Variants in PLEKHD1 observed in about 807,000 individuals in gnomAD.
PLEKHD1 encodes pleckstrin homology and coiled-coil domain containing D1.
Under a neutral mutation model 69.2 loss-of-function variants are expected in PLEKHD1, and 51 were observed. The ratio of observed to expected loss-of-function variants is 0.74; its 90% CI spans 0.59 to 0.93. The LOEUF (loss-of-function observed/expected upper bound fraction) is 0.93, where lower values mean the gene tolerates loss of function less well. PLEKHD1 is among the 40% of genes least tolerant of loss of function. PLEKHD1 has a pLI of 0.00. For missense variants in PLEKHD1, 584 were observed against 641.0 expected, an observed-to-expected ratio of 0.91 and a Z score of 0.96; for synonymous variants, 236 against 244.7, an observed-to-expected ratio of 0.96 and a Z score of 0.33.
At chr14:69,528,066 C>A (rs937107342) in intron 12 of PLEKHD1, 134 bp downstream of exon 12, 20 of 1,462,830 alleles carry the variant, frequency 1.4e-5, no homozygotes, top group Middle Eastern at 2.2e-4. Flanking sequence ...CATCCTTGGG[C>A]AAACGGGTGA....
chr14:69,505,951 G>C (rs577385989), intron 6 of PLEKHD1, among the ~76,000 whole-genome samples: 6 of 152,294 alleles, frequency 3.9e-5, no homozygotes, highest in African/African-American at 1.4e-4. Context: ...TTCTGACTGA[G>C]TTGTGAGAGC....
At chr14:69,497,719 T>A (rs1483220671) in intron 1 of PLEKHD1, among the ~76,000 whole-genome samples, 3 of 152,170 alleles carry the variant, frequency 2.0e-5, no homozygotes, top group Non-Finnish European at 4.4e-5. Flanking sequence ...AGAGGTCAGG[T>A]GCTGGCAGGC....
intron 1 of PLEKHD1, among the ~76,000 whole-genome samples, chr14:69,486,197 G>A (rs538801980): frequency 5.2e-4 from 79 of 152,330 alleles, no homozygotes; most frequent in African/African-American, 1.8e-3. Context: ...AGCAGAGGGG[G>A]CCTCCAATGT....
At chr14:69,479,963 G>C (rs1882513953), upstream of PLEKHD1, among the ~76,000 whole-genome samples, 1 of 152,180 alleles carries the variant, frequency 6.6e-6, no homozygotes, top group Non-Finnish European at 1.5e-5. Flanking sequence ...CACCTGAACA[G>C]AGGCTAAGCG....
intron 1 of PLEKHD1, 134 bp from the exon 2 acceptor site, chr14:69,499,981 T>A: frequency 1.6e-6 from 1 of 642,948 alleles, no homozygotes; most frequent in East Asian, 2.8e-5. Context: ...GGAGCTTGAG[T>A]TGGTAAGGAT....
the PLEKHD1 span, among the ~76,000 whole-genome samples, chr14:69,476,666 G>GGAGACAGCAAGT: frequency 2.0e-5 from 3 of 152,214 alleles, no homozygotes; most frequent in Non-Finnish European, 4.4e-5. Flanking sequence ...TGTAGACTGA[G>GGAGACAGCAAGT]GAGACAGCAA....
the PLEKHD1 span, among the ~76,000 whole-genome samples, chr14:69,474,665 T>G: frequency 6.6e-6 from 1 of 152,228 alleles, no homozygotes; most frequent in African/African-American, 2.4e-5. Context: ...AGATTCTCCT[T>G]CCTTGGCACC....
At chr14:69,487,244 G>A (rs17836240) in intron 1 of PLEKHD1, among the ~76,000 whole-genome samples, 43,722 of 151,330 alleles carry the variant, frequency 0.29, 6,568 homozygotes, top group Middle Eastern at 0.44. Flanking sequence ...TCTTGGGTCA[G>A]TGACAGAGCC....
intron 1 of PLEKHD1, 67 bp downstream of exon 1, chr14:69,485,181 C>A: frequency 2.7e-6 from 4 of 1,489,882 alleles, no homozygotes; most frequent in Non-Finnish European, 3.6e-6. Context: ...ACCCCTCCCA[C>A]CCCCTCCAGT....
At chr14:69,474,572 T>A in the PLEKHD1 span, among the ~76,000 whole-genome samples, 8 of 152,240 alleles carry the variant, frequency 5.3e-5, no homozygotes, top group Non-Finnish European at 1.0e-4. Flanking sequence ...AATTTATGGC[T>A]TATGACTTTG....
rs891268799 is a variant in PLEKHD1, at chr14:69,531,177, C to A, written c.*2758C>A. ...TATTGTTACAATGGCAATCAAATTT[C>A]TTTTTTTAATCCTGCAAACTACTGG... On this transcript the variant is annotated 3_prime_UTR_variant, in exon 13 of 13. Coordinates refer to ENST00000322564, the MANE Select transcript of PLEKHD1 (RefSeq NM_001161498.2). 2.0e-5 allele frequency: 3 copies of A among 151,424 alleles called. No individual in the cohort carries two copies. The highest frequency in any genetic ancestry group is 2.9e-5 in the Non-Finnish European group (2 of 67,908). The allele number at this position is 151,424 out of a possible 1,614,324, so 9.4% of individuals were successfully genotyped here.
At chr14:69,470,335 C>T in the PLEKHD1 span, among the ~76,000 whole-genome samples, 1 of 151,610 alleles carries the variant, frequency 6.6e-6, no homozygotes, top group Non-Finnish European at 1.5e-5. Flanking sequence ...TAGTGGTGCA[C>T]ACTTGCAGTC....
chr14:69,500,835 C>A, intron 3 of PLEKHD1, 36 bp from the exon 4 acceptor site: 1 of 1,550,710 alleles, frequency 6.4e-7, no homozygotes, highest in Non-Finnish European at 8.7e-7. Context: ...AGCGTGGCTG[C>A]CTCTCAGGCA....
intron 6 of PLEKHD1, among the ~76,000 whole-genome samples, chr14:69,503,982 A>T (rs2139509682): frequency 6.6e-6 from 1 of 151,746 alleles, no homozygotes; most frequent in South Asian, 2.1e-4. Flanking sequence ...TGGATTCTGG[A>T]GCCAGGCTGC....
rs751955221 is a variant in PLEKHD1 at position 69,502,838 on chromosome 14, G to A, written c.514G>A (p.Glu172Lys). 6.4e-7 allele frequency: 1 copy of A among 1,551,656 alleles called. No homozygotes were observed. Among genetic ancestry groups the A allele is most frequent in the Non-Finnish European group, 8.7e-7 (1 of 1,146,964 alleles). ...EKQEYLDKLM[E>K]ETEELCLQRE... The stretch of plus-strand genomic sequence containing the variant: ...GCTTGTTTTGGCAGACAAACTGATG[G>A]AAGAGACCGAAGAACTCTGCCTTCA... Residue 172 changes from glutamate to lysine, a missense_variant, in exon 6 of 13, where the codon GAA (glutamate) becomes AAA (lysine). Physicochemically the swap from Glu to Lys is moderately conservative, Grantham distance 56. Coordinates refer to ENST00000322564, the MANE Select transcript of PLEKHD1 (RefSeq NM_001161498.2).
At chr14:69,527,969 G>C in intron 12 of PLEKHD1, 37 bp downstream of exon 12, 1 of 1,550,308 alleles carries the variant, frequency 6.5e-7, no homozygotes, top group East Asian at 2.4e-5. Context: ...GTGGGATGGT[G>C]ACAAGGCAGG....
upstream of PLEKHD1, among the ~76,000 whole-genome samples, chr14:69,483,233 C>A (rs1423219276): frequency 4.6e-5 from 7 of 151,750 alleles, no homozygotes; most frequent in Non-Finnish European, 1.0e-4. Flanking sequence ...CTTGGGAACC[C>A]CAGAGGGGGT....
chr14:69,481,043 T>G (rs1882532702), upstream of PLEKHD1, among the ~76,000 whole-genome samples: 1 of 152,226 alleles, frequency 6.6e-6, no homozygotes, highest in African/African-American at 2.4e-5. Flanking sequence ...TGCTAATATT[T>G]GTTTTATGGA....
intron 2 of PLEKHD1, 77 bp downstream of exon 2, chr14:69,500,285 G>A (rs1473608962): frequency 9.1e-6 from 11 of 1,204,400 alleles, no homozygotes; most frequent in East Asian, 2.5e-5. Flanking sequence ...GTGAGGGGAG[G>A]GGACTGCGCT....
Sources: allele counts gnomAD v4.1 joint callset (sites outside exome capture counted in the v4.1 genomes callset), GRCh38; gene constraint gnomAD v4.1.1; transcripts MANE v1.5; gene names NCBI Gene and HGNC (gene_info 2026-07-23, HGNC 2026-07-21).